SPATA17: variants seen among roughly 807,000 people sequenced by gnomAD.
SPATA17 encodes spermatogenesis associated 17.
SPATA17 carries 53 observed loss-of-function variants against 62.2 expected under a neutral mutation model. The observed-to-expected ratio is 0.85, with a 90% CI of 0.68 to 1.07. The LOEUF is 1.07. Among genes scored for constraint, SPATA17 ranks in the 50% least tolerant of loss-of-function variants. The pLI is 0.00. For missense variants in SPATA17, 466 were observed against 425.5 expected, an observed-to-expected ratio of 1.10 and a Z score of -0.84; for synonymous variants, 146 against 146.8, an observed-to-expected ratio of 0.99 and a Z score of 0.04.
In SPATA17 at chr1:217,870,527, A is replaced by G. The variant is rs968519769; in HGVS notation, c.*3508A>G. On this transcript the variant is annotated 3_prime_UTR_variant, in exon 11 of 11. Coordinates refer to ENST00000366933, the MANE Select transcript of SPATA17 (RefSeq NM_138796.4). ...GTTTGTCTGTTTCTCCTGGAAAACT[A>G]CTAGACTACATCAACTTATATACTA... is the stretch of plus-strand genomic sequence containing the variant. 8 of 152,198 alleles carry G rather than the reference A, an allele frequency of 5.3e-5. No homozygotes were observed. Among genetic ancestry groups the G allele is most frequent in the Admixed American group, 1.3e-4 (2 of 15,264 alleles). 9.4% of individuals were successfully genotyped at this position (152,198 alleles called of 1,614,324 possible). A position where few individuals can be genotyped will look rare whatever the true frequency, so the allele number is the denominator to read the frequency against.
At chr1:217,862,647 A>G in intron 9 of SPATA17, 127 bp from the exon 10 acceptor site, 1 of 682,314 alleles carries the variant, frequency 1.5e-6, no homozygotes, top group Non-Finnish European at 2.4e-6. Context: ...TTTTGAGAGT[A>G]TAATGGGAAA....
intron 4 of SPATA17, among the ~76,000 whole-genome samples, chr1:217,670,208 T>C (rs541253048): frequency 1.3e-5 from 2 of 152,288 alleles, no homozygotes; most frequent in Non-Finnish European, 2.9e-5. Context: ...CATTGATTCT[T>C]TTCTTCTTAC....
rs748511604 is a variant in SPATA17 at position 217,862,817 on chromosome 1, A to G, written c.1049A>G (p.Tyr350Cys). The change falls in exon 10 of 11, where the codon TAT becomes TGT. Residue 350 changes from tyrosine to cysteine, a missense_variant. Tyr to Cys is a radical substitution (Grantham distance 194, BLOSUM62 -2). Coordinates refer to ENST00000366933, the MANE Select transcript of SPATA17 (RefSeq NM_138796.4). ...VLPSFELFSKYGKLYSKAGQI... is the reference protein window; with the variant it reads ...VLPSFELFSKCGKLYSKAGQI... ...CCATCATTTGAGCTCTTCTCAAAGT[A>G]TGGAAAATTATATTCAAAAGCTGGA... 2.9e-5 allele frequency: 46 copies of G among 1,610,482 alleles called. No homozygotes were observed. The highest frequency in any genetic ancestry group is 3.8e-5 in the Non-Finnish European group (45 of 1,178,096).
At chr1:217,683,184 T>G in intron 4 of SPATA17, 74 bp from the exon 5 acceptor site, 2 of 1,023,134 alleles carry the variant, frequency 2.0e-6, no homozygotes, top group South Asian at 1.6e-5. Flanking sequence ...ATAATTACCT[T>G]AATTTTGAAG....
intron 9 of SPATA17, among the ~76,000 whole-genome samples, chr1:217,848,934 T>G (rs925744238): frequency 2.6e-5 from 4 of 152,108 alleles, no homozygotes; most frequent in Non-Finnish European, 4.4e-5. Context: ...AAGTTCCAGT[T>G]TTTCTATCAA....
intron 9 of SPATA17, among the ~76,000 whole-genome samples, chr1:217,840,035 G>A (rs1022133711): frequency 2.0e-5 from 3 of 152,012 alleles, no homozygotes; most frequent in African/African-American, 7.2e-5. Context: ...CATTTTGCAG[G>A]CATGACTGCA....
chr1:217,790,701 T>C (rs1673977167), intron 8 of SPATA17, among the ~76,000 whole-genome samples: 1 of 152,222 alleles, frequency 6.6e-6, no homozygotes, highest in South Asian at 2.1e-4. Flanking sequence ...GTGCTGGGAT[T>C]ACAGGCGTGA....
intron 9 of SPATA17, among the ~76,000 whole-genome samples, chr1:217,806,544 C>CT (rs1674439876): frequency 6.6e-6 from 1 of 152,166 alleles, no homozygotes; most frequent in African/African-American, 2.4e-5. Context: ...TAATTCTTTT[C>CT]TGCTTTCTCT....
intron 9 of SPATA17, among the ~76,000 whole-genome samples, chr1:217,827,960 T>C (rs1675040104): frequency 6.6e-6 from 1 of 152,092 alleles, no homozygotes. Context: ...GATGGATTGA[T>C]AGGTGCAGCA....
At chr1:217,677,166 T>C (rs1283841782) in intron 4 of SPATA17, among the ~76,000 whole-genome samples, 1 of 152,048 alleles carries the variant, frequency 6.6e-6, no homozygotes, top group Non-Finnish European at 1.5e-5. Context: ...TAACATCACT[T>C]TATTGGCTTA....
intron 9 of SPATA17, among the ~76,000 whole-genome samples, chr1:217,819,709 T>C (rs1558063993): frequency 6.6e-6 from 1 of 152,048 alleles, no homozygotes; most frequent in Non-Finnish European, 1.5e-5. Flanking sequence ...TCTTTAATTA[T>C]AAGTAACTTG....
At chr1:217,848,279 T>G (rs141432361) in intron 9 of SPATA17, among the ~76,000 whole-genome samples, 12 of 152,168 alleles carry the variant, frequency 7.9e-5, no homozygotes, top group African/African-American at 2.4e-4. Flanking sequence ...CACTTTCAGC[T>G]CTTTCATCTT....
At chr1:217,755,841 C>T (rs1673028327) in intron 6 of SPATA17, among the ~76,000 whole-genome samples, 1 of 151,942 alleles carries the variant, frequency 6.6e-6, no homozygotes. Context: ...TGAAATTATT[C>T]AATTTATTTT....
intron 9 of SPATA17, among the ~76,000 whole-genome samples, chr1:217,822,017 G>T (rs1674875832): frequency 6.6e-6 from 1 of 152,048 alleles, no homozygotes; most frequent in Non-Finnish European, 1.5e-5. Flanking sequence ...GAGAGACTAG[G>T]GATTGCTAAA....
rs185497196 is a variant in SPATA17 at position 217,804,652 on chromosome 1, A to C, written c.1005+2802A>C. Among the ~76,000 whole-genome samples the C allele has an allele frequency of 2.0e-3, 301 of 152,330 alleles. 2 individuals are homozygous for C. Among genetic ancestry groups the C allele is most frequent in the African/African-American group, 6.9e-3 (287 of 41,588 alleles). ...TGCCAACCATACATTTGATAGAGTT[A>C]ATATCTGAAATATATAAGGAACTCA... On this transcript the variant is annotated intron_variant, in intron 9 of 10. Coordinates refer to ENST00000366933, the MANE Select transcript of SPATA17 (RefSeq NM_138796.4).
At chr1:217,852,507 T>C (rs1675689539) in intron 9 of SPATA17, among the ~76,000 whole-genome samples, 1 of 152,172 alleles carries the variant, frequency 6.6e-6, no homozygotes, top group South Asian at 2.1e-4. Context: ...TGACAGTGCC[T>C]TTTGAAAGAA....
chr1:217,850,725 C>T (rs918831610), intron 9 of SPATA17: 2 of 934,534 alleles, frequency 2.1e-6, no homozygotes, highest in African/African-American at 3.3e-5. Flanking sequence ...CAAAGCCATT[C>T]ACCCCTCCAG....
At chr1:217,657,479 C>T (rs1670469857) in intron 3 of SPATA17, among the ~76,000 whole-genome samples, 1 of 152,168 alleles carries the variant, frequency 6.6e-6, no homozygotes, top group Non-Finnish European at 1.5e-5. Flanking sequence ...ATGAAATGAT[C>T]TGCTGTTTTC....
chr1:217,731,154 A>G (rs1672395883), intron 5 of SPATA17, among the ~76,000 whole-genome samples: 1 of 151,206 alleles, frequency 6.6e-6, no homozygotes, highest in African/African-American at 2.4e-5. Context: ...TGTGTACTCT[A>G]TTTGACCTTA....
Sources: allele counts gnomAD v4.1 joint callset (sites outside exome capture counted in the v4.1 genomes callset), GRCh38; gene constraint gnomAD v4.1.1; transcripts MANE v1.5; gene names NCBI Gene and HGNC (gene_info 2026-07-23, HGNC 2026-07-21).